The following COLEC11 variants were observed in gnomAD, a reference collection of about 807,000 sequenced individuals.
COLEC11 encodes the protein collectin-11.
In COLEC11, 20 loss-of-function variants were observed where a neutral mutation model predicts 27.3. The observed-to-expected ratio is 0.73, with a 90% CI of 0.51 to 1.06. COLEC11 has a LOEUF of 1.06. Ranked by LOEUF, COLEC11 falls within the 50% of genes least tolerant of loss-of-function variation. The probability of loss-of-function intolerance (pLI) is 0.00; values close to 1 mark genes in which losing one functional copy is unlikely to be tolerated. For synonymous variants in COLEC11, 163 were observed against 154.7 expected (o/e 1.05, Z -0.40); for missense variants, 310 against 383.0 (o/e 0.81, Z 1.59).
chr2:3,612,264 A>G lies in COLEC11; in HGVS notation c.131-1047A>G, dbSNP rs184884346. 3.1e-4 allele frequency among the ~76,000 whole-genome samples: 47 copies of G among 152,152 alleles called. 1 individual carries two copies. The East Asian group carries it at 7.6e-3, about 25-fold the overall frequency. On this transcript the variant is annotated intron_variant, in intron 2 of 6. Coordinates refer to ENST00000349077, the MANE Select transcript of COLEC11 (RefSeq NM_024027.5). ...CGCACCCACGCACACGCATGCACAC[A>G]TGCACACACATGCACACACACTCCC...
intron 2 of COLEC11, among the ~76,000 whole-genome samples, chr2:3,610,619 C>T (rs563958865): frequency 6.6e-6 from 1 of 152,302 alleles, no homozygotes. Context: ...TGCCTACTGC[C>T]TCGGGCTCGT....
At chr2:3,625,211 G>T (rs1419587971) in intron 3 of COLEC11, among the ~76,000 whole-genome samples, 6 of 152,156 alleles carry the variant, frequency 3.9e-5, no homozygotes, top group Admixed American at 3.9e-4. Context: ...CTTAGAAGTG[G>T]CAGCAGGCTT....
chr2:3,623,817 T>G (rs1664339844), intron 3 of COLEC11, among the ~76,000 whole-genome samples: 1 of 151,580 alleles, frequency 6.6e-6, no homozygotes. Flanking sequence ...CTCCATTTCT[T>G]TGGGATTGGT....
chr2:3,617,331 A>G (rs572818461), intron 3 of COLEC11, among the ~76,000 whole-genome samples: 1 of 152,224 alleles, frequency 6.6e-6, no homozygotes, highest in Admixed American at 6.5e-5. Context: ...TCCTTCACCA[A>G]CATGCAAGTT....
chr2:3,605,250 C>A (rs1451639422), intron 2 of COLEC11, among the ~76,000 whole-genome samples: 1 of 151,468 alleles, frequency 6.6e-6, no homozygotes, highest in African/African-American at 2.4e-5. Context: ...GGGGCTGCAC[C>A]GGCCGCAGCA....
rs767854958 is a variant in COLEC11 at position 3,613,317 on chromosome 2, C to T, written c.137C>T (p.Ala46Val). The T allele has an allele frequency of 4.2e-5, 68 of 1,609,066 alleles. No individual in the cohort carries two copies. Among genetic ancestry groups the T allele is most frequent in the Admixed American group, 2.7e-4 (16 of 59,290 alleles). Residue 46 changes from alanine (A) to valine (V), a missense_variant, in exon 3 of 7, where the codon GCG becomes GTG. Physicochemically the swap from Ala to Val is moderately conservative, Grantham distance 64. Transcript: ENST00000349077. ...GATGTGACTTCTTCCACAGGGGATG[C>T]GGGAGAGAAGGGAGACAAAGGCGCC... The part of the protein sequence containing the change: ...QILVPGLKGD[A>V]GEKGDKGAPG...
At chr2:3,604,498 T>G in intron 2 of COLEC11, 28 bp downstream of exon 2, 1 of 1,613,100 alleles carries the variant, frequency 6.2e-7, no homozygotes, top group Non-Finnish European at 8.5e-7. Context: ...TCTGGGCTGC[T>G]GGGCAGTGGC....
At chr2:3,623,308 A>G (rs1049088158) in intron 3 of COLEC11, among the ~76,000 whole-genome samples, 1 of 152,180 alleles carries the variant, frequency 6.6e-6, no homozygotes, top group African/African-American at 2.4e-5. Flanking sequence ...TTTAAGCTTC[A>G]TGTACCTTGA....
In COLEC11 at chr2:3,644,059, G is replaced by A. The variant is rs137922152; in HGVS notation, c.757G>A (p.Asp253Asn). The A allele has an allele frequency of 1.2e-6, 2 of 1,613,552 alleles. No homozygotes were observed. The highest frequency in any genetic ancestry group is 1.1e-5 in the South Asian group (1 of 91,086). Residue 253 changes from aspartate (D) to asparagine (N), a missense_variant, in exon 7 of 7, where the codon GAC becomes AAC. Asp to Asn is a conservative substitution (Grantham distance 23). Coordinates refer to ENST00000349077, the MANE Select transcript of COLEC11 (RefSeq NM_024027.5). Reference sequence around the variant, plus strand: ...GATGGTGGCCTCGGGCGGCTGGAACGACGTGGCCTGCCACACCACCATGTA... The same window carrying A: ...GATGGTGGCCTCGGGCGGCTGGAACAACGTGGCCTGCCACACCACCATGTA... ...VEMVASGGWN[D>N]VACHTTMYFM...
intron 3 of COLEC11, among the ~76,000 whole-genome samples, chr2:3,613,903 G>C (rs1663439437): frequency 6.6e-6 from 1 of 151,886 alleles, no homozygotes; most frequent in Non-Finnish European, 1.5e-5. Context: ...TTAAATATAT[G>C]GTGGCTATTA....
chr2:3,635,333 G>A (rs1391809293), intron 3 of COLEC11, among the ~76,000 whole-genome samples: 1 of 151,980 alleles, frequency 6.6e-6, no homozygotes, highest in African/African-American at 2.4e-5. Context: ...GAACCCGCCT[G>A]CCATGACCCC....
In COLEC11 at chr2:3,604,701, C is replaced by T. The variant is rs3820896; in HGVS notation, c.130+231C>T. On this transcript the variant is annotated intron_variant, in intron 2 of 6. Coordinates refer to ENST00000349077, the MANE Select transcript of COLEC11 (RefSeq NM_024027.5). ...AGATGGCAATTTATTTGCAACTCAGCCCTCTCCGGGGGGACCTTGCTGGAA... is the reference window on the plus strand; with the variant it reads ...AGATGGCAATTTATTTGCAACTCAGTCCTCTCCGGGGGGACCTTGCTGGAA... Among the ~76,000 whole-genome samples the T allele has an allele frequency of 5.8e-3, 891 of 152,318 alleles. 22 individuals are homozygous for T. In the East Asian group the frequency reaches 0.075, roughly 13 times the overall value.
intron 2 of COLEC11, chr2:3,605,836 C>T (rs1213135437): frequency 4.6e-6 from 2 of 434,422 alleles, no homozygotes; most frequent in East Asian, 4.9e-5. Context: ...GGCACAGGGT[C>T]CGGACAGCTC....
chr2:3,601,927 A>T (rs942282282), intron 1 of COLEC11: 2 of 152,210 alleles, frequency 1.3e-5, no homozygotes, highest in Admixed American at 6.5e-5. Flanking sequence ...AAGGATTTCA[A>T]ATGACTTCCC....
chr2:3,624,014 A>G (rs1461266811), intron 3 of COLEC11, among the ~76,000 whole-genome samples: 1 of 152,094 alleles, frequency 6.6e-6, no homozygotes, highest in Non-Finnish European at 1.5e-5. Context: ...GCTCTCTCAG[A>G]CCATTTCTGT....
chr2:3,615,985 G>A (rs1158112691), intron 3 of COLEC11, among the ~76,000 whole-genome samples: 1 of 150,472 alleles, frequency 6.6e-6, no homozygotes, highest in African/African-American at 2.5e-5. Flanking sequence ...GGGTGGAGGG[G>A]CTCCTCACTT....
At chr2:3,610,199 G>A (rs746424473) in intron 2 of COLEC11, among the ~76,000 whole-genome samples, 7 of 152,220 alleles carry the variant, frequency 4.6e-5, no homozygotes, top group East Asian at 1.9e-4. Context: ...CTTGATTCTC[G>A]TAGCTGTGTC....
intron 1 of COLEC11, among the ~76,000 whole-genome samples, chr2:3,597,911 G>A (rs905555524): frequency 6.6e-6 from 1 of 151,984 alleles, no homozygotes; most frequent in Non-Finnish European, 1.5e-5. Context: ...CATTATTTTT[G>A]TATTTTTTAT....
chr2:3,632,742 A>G (rs11123561), intron 3 of COLEC11, among the ~76,000 whole-genome samples: 21,004 of 152,190 alleles, frequency 0.14, 1,613 homozygotes, highest in East Asian at 0.32. Flanking sequence ...CACACAGTCT[A>G]CCTGGGAGTA....
Sources: allele counts gnomAD v4.1 joint callset (sites outside exome capture counted in the v4.1 genomes callset), GRCh38; gene constraint gnomAD v4.1.1; transcripts MANE v1.5; gene names NCBI Gene and HGNC (gene_info 2026-07-23, HGNC 2026-07-21).